KCNH8: variants seen among roughly 807,000 people sequenced by gnomAD.
KCNH8 encodes voltage-gated delayed rectifier potassium channel KCNH8.
KCNH8 carries 70 observed loss-of-function variants against 103.6 expected under a neutral mutation model. The ratio of observed to expected loss-of-function variants is 0.68; its 90% CI spans 0.56 to 0.82. The LOEUF (loss-of-function observed/expected upper bound fraction) is 0.82. KCNH8 is among the 40% of genes least tolerant of loss of function. The pLI is 0.00. For missense variants in KCNH8, 1,217 were observed against 1,329.9 expected (o/e 0.92, Z 1.32); for synonymous variants, 498 against 489.4 (o/e 1.02, Z -0.23).
At chr3:19,169,729 A>G (rs1273185544) in intron 1 of KCNH8, among the ~76,000 whole-genome samples, 1 of 152,210 alleles carries the variant, frequency 6.6e-6, no homozygotes, top group East Asian at 1.9e-4. Context: ...AAATAGATAC[A>G]TTATATTATC....
At chr3:19,353,950 G>T (rs1305285991) in intron 5 of KCNH8, among the ~76,000 whole-genome samples, 1 of 152,154 alleles carries the variant, frequency 6.6e-6, no homozygotes, top group East Asian at 1.9e-4. Context: ...AATTGTCTCT[G>T]TTTGCAGGTG....
At chr3:19,507,756 G>A (rs546691172) in intron 11 of KCNH8, among the ~76,000 whole-genome samples, 33 of 152,246 alleles carry the variant, frequency 2.2e-4, no homozygotes, top group African/African-American at 7.5e-4. Flanking sequence ...GCATTGTGCT[G>A]GGGATCTGCA....
chr3:19,272,030 A>C (rs2064595719), intron 2 of KCNH8, among the ~76,000 whole-genome samples: 2 of 152,136 alleles, frequency 1.3e-5, no homozygotes, highest in Non-Finnish European at 2.9e-5. Context: ...AAAAAGCAGT[A>C]GGGTTCTGTA....
intron 11 of KCNH8, among the ~76,000 whole-genome samples, chr3:19,507,934 C>T (rs1433022378): frequency 6.6e-6 from 1 of 152,172 alleles, no homozygotes; most frequent in Admixed American, 6.5e-5. Context: ...GGGTATATTC[C>T]TCTGATGACT....
chr3:19,290,072 C>T (rs1428412846), intron 3 of KCNH8, among the ~76,000 whole-genome samples: 1 of 152,168 alleles, frequency 6.6e-6, no homozygotes, highest in Non-Finnish European at 1.5e-5. Context: ...TATAAGAATG[C>T]TTGTGATTTT....
intron 5 of KCNH8, among the ~76,000 whole-genome samples, chr3:19,377,956 T>G (rs75948041): frequency 6.6e-6 from 1 of 152,212 alleles, no homozygotes; most frequent in East Asian, 1.9e-4. Flanking sequence ...TTATGGGATA[T>G]GAAAATTTAT....
At chr3:19,465,953 G>T (rs1324591583) in intron 11 of KCNH8, among the ~76,000 whole-genome samples, 2 of 151,834 alleles carry the variant, frequency 1.3e-5, no homozygotes, top group African/African-American at 4.8e-5. Flanking sequence ...TTTATTTATT[G>T]AGATAGGGCC....
intron 1 of KCNH8, among the ~76,000 whole-genome samples, chr3:19,157,834 C>G (rs936961144): frequency 2.6e-5 from 4 of 151,682 alleles, no homozygotes; most frequent in Middle Eastern, 3.7e-3. Flanking sequence ...CATCTTTGAG[C>G]CATTTATATA....
chr3:19,355,510 TAA>T (rs2065868696), intron 5 of KCNH8, among the ~76,000 whole-genome samples: 29 of 152,058 alleles, frequency 1.9e-4, no homozygotes. Flanking sequence ...TAGACTGGAT[TAA>T]GAAAATGTGG....
intron 5 of KCNH8, among the ~76,000 whole-genome samples, chr3:19,378,023 G>T (rs1295138853): frequency 1.3e-5 from 2 of 152,078 alleles, no homozygotes; most frequent in African/African-American, 2.4e-5. Flanking sequence ...AGGCTAGTAG[G>T]GAGAGGTATA....
At chr3:19,458,545 C>A (rs1180897040) in intron 11 of KCNH8, among the ~76,000 whole-genome samples, 1 of 151,838 alleles carries the variant, frequency 6.6e-6, no homozygotes, top group Non-Finnish European at 1.5e-5. Flanking sequence ...TTTGGAATGG[C>A]TAAATCACGC....
intron 5 of KCNH8, among the ~76,000 whole-genome samples, chr3:19,364,714 A>C (rs1559493634): frequency 6.6e-6 from 1 of 152,114 alleles, no homozygotes; most frequent in Non-Finnish European, 1.5e-5. Flanking sequence ...TTGAAAAGTA[A>C]GGTACTGTTT....
At chr3:19,153,648 T>C (rs1380148104) in intron 1 of KCNH8, among the ~76,000 whole-genome samples, 2 of 149,620 alleles carry the variant, frequency 1.3e-5, no homozygotes, top group African/African-American at 2.5e-5. Context: ...TTTTTTTTTT[T>C]TTTTAGACGA....
chr3:19,453,094 C>T (rs1360194212), intron 10 of KCNH8, among the ~76,000 whole-genome samples: 1 of 151,940 alleles, frequency 6.6e-6, no homozygotes, highest in Non-Finnish European at 1.5e-5. Context: ...TAAAATAACT[C>T]AGAAAAAGAA....
intron 5 of KCNH8, among the ~76,000 whole-genome samples, chr3:19,361,994 T>C (rs1317146738): frequency 6.6e-6 from 1 of 152,116 alleles, no homozygotes; most frequent in Non-Finnish European, 1.5e-5. Flanking sequence ...GTTTCATTTG[T>C]AAATGGGCAA....
At chr3:19,261,469 A>T (rs2064434918) in intron 2 of KCNH8, among the ~76,000 whole-genome samples, 2 of 151,652 alleles carry the variant, frequency 1.3e-5, no homozygotes, top group South Asian at 4.1e-4. Flanking sequence ...TGAGTTGTAC[A>T]TGTTCTTTAT....
intron 1 of KCNH8, among the ~76,000 whole-genome samples, chr3:19,205,936 G>A (rs112420771): frequency 0.019 from 2,955 of 151,782 alleles, 91 homozygotes; most frequent in African/African-American, 0.066. Context: ...ACTGAACCCA[G>A]TTTGTAGTCT....
intron 1 of KCNH8, among the ~76,000 whole-genome samples, chr3:19,171,001 C>T (rs2063343574): frequency 6.6e-6 from 1 of 151,360 alleles, no homozygotes. Context: ...TTAGTAGAGA[C>T]GGGGTTTCAC....
chr3:19,520,347 A>ATATC (rs2068950399), intron 15 of KCNH8, among the ~76,000 whole-genome samples: 1 of 151,950 alleles, frequency 6.6e-6, no homozygotes, highest in Non-Finnish European at 1.5e-5. Context: ...ATAAAGGAAA[A>ATATC]TATCTGATTT....
Sources: gnomAD v4.1 joint callset for allele counts (sites outside exome capture counted in the v4.1 genomes callset) on GRCh38, gnomAD v4.1.1 for gene constraint, MANE v1.5 for transcripts, NCBI Gene and HGNC (gene_info 2026-07-23, HGNC 2026-07-21) for gene names.